Variants in LMNA observed in about 807,000 individuals in gnomAD.
LMNA encodes lamin A/C, also known as lamin.
Under a neutral mutation model 70.4 loss-of-function variants are expected in LMNA, and 20 were observed. The observed-to-expected ratio is 0.28, with a 90% confidence interval of 0.20 to 0.41. The LOEUF (loss-of-function observed/expected upper bound fraction) is 0.41. Among genes scored for constraint, LMNA ranks in the 10% least tolerant of loss-of-function variants. The pLI, the probability that LMNA is intolerant of heterozygous loss-of-function variation, is 1.00. For missense variants in LMNA, 652 were observed against 917.2 expected (o/e 0.71, Z 3.73); for synonymous variants, 339 against 372.8 (o/e 0.91, Z 1.04).
rs1027790581 is a variant in LMNA at position 156,103,808 on chromosome 1, G to A, written c.-206-10905G>A. On this transcript the variant is annotated intron_variant, in intron 3 of 12. Coordinates refer to the LMNA transcript ENST00000368301. The surrounding 1 kb of genome is among the most constrained non-coding windows in gnomAD (Gnocchi z 4.7). ...CCCTCCCTGCTCTTTATCCCTCAACGCCCTCCCCTGCCCAAGGACCAGAGT... is the reference window on the plus strand; with the variant it reads ...CCCTCCCTGCTCTTTATCCCTCAACACCCTCCCCTGCCCAAGGACCAGAGT... Among the ~76,000 whole-genome samples the A allele has an allele frequency of 4.0e-5, 6 of 151,710 alleles. No individual in the cohort carries two copies. Among genetic ancestry groups the A allele is most frequent in the Admixed American group, 2.6e-4 (4 of 15,230 alleles).
rs1393804987 is a variant in LMNA, at chr1:156,137,257, T to C, written c.1608+25T>C. On this transcript the variant is annotated intron_variant, in intron 9 of 11. Coordinates refer to ENST00000368300, the MANE Select transcript of LMNA (RefSeq NM_170707.4). This position sits in a 1 kb window ranked among gnomAD's most constrained non-coding sequence, Gnocchi z 4.6. ...AGTAAGTAGGCCTGGGCCTGGCTGC[T>C]TGCTGGACGAGGCTCCCCCTGATGG... 1.9e-6 allele frequency: 3 copies of C among 1,551,576 alleles called. No homozygotes were observed. In the Admixed American group the frequency reaches 5.7e-5, roughly 30 times the overall value.
chr1:156,118,479 C>T (rs1018879399), intron 1 of LMNA, among the ~76,000 whole-genome samples: 10 of 152,106 alleles, frequency 6.6e-5, no homozygotes, highest in Non-Finnish European at 1.5e-4. Context: ...CTGTTCTCCC[C>T]CACTGATCCT....
intron 1 of LMNA, chr1:156,126,177 T>G (rs1650558282): frequency 1.3e-6 from 2 of 1,526,068 alleles, no homozygotes; most frequent in South Asian, 1.2e-5. Flanking sequence ...TCTGCTCTTC[T>G]GCTCCCTTCC....
chr1:156,087,043 C>G (rs1469388387), intron 2 of LMNA, among the ~76,000 whole-genome samples: 1 of 152,146 alleles, frequency 6.6e-6, no homozygotes, highest in East Asian at 1.9e-4. Context: ...ACACTTGCCC[C>G]TCCTTAGCCC....
chr1:156,134,264 C>T lies in LMNA; in HGVS notation c.514-139C>T. On this transcript the variant is annotated intron_variant, in intron 2 of 11. Transcript: ENST00000368300. This position sits in a 1 kb window ranked among gnomAD's most constrained non-coding sequence, Gnocchi z 5.3. ...GAGTGAGTAGATGTCCTGACCCCTGCAGGCATCCAAGGCCCTCCTTCCCTG... is the reference window on the plus strand; with the variant it reads ...GAGTGAGTAGATGTCCTGACCCCTGTAGGCATCCAAGGCCCTCCTTCCCTG... 1.2e-6 allele frequency: 1 copy of T among 860,190 alleles called. No individual in the cohort carries two copies. The allele number at this position is 860,190 out of a possible 1,614,324, so 53.3% of individuals were successfully genotyped here.
In LMNA at chr1:156,135,174, T is replaced by A. The variant is rs80356809; in HGVS notation, c.811-13T>A. On this transcript the variant is annotated splice_polypyrimidine_tract_variant and intron_variant, in intron 4 of 11. Transcript: ENST00000368300. This position sits in a 1 kb window ranked among gnomAD's most constrained non-coding sequence, Gnocchi z 4.8. The stretch of plus-strand genomic sequence containing the variant: ...CAGTCACCACAGTCCTAACCCTTTG[T>A]CCTCCCCTCCAGCTGGACAATGCCA... The A allele has an allele frequency of 3.8e-3, 6,074 of 1,614,022 alleles. 14 individuals carry two copies. Among genetic ancestry groups the A allele is most frequent in the Non-Finnish European group, 4.6e-3 (5,461 of 1,180,016 alleles).
chr1:156,099,640 T>C (rs570027032), intron 3 of LMNA, among the ~76,000 whole-genome samples: 9 of 152,104 alleles, frequency 5.9e-5, no homozygotes, highest in African/African-American at 2.2e-4. Flanking sequence ...CCTAGCACTT[T>C]AGGAGGCCGA....
chr1:156,115,326 G>C lies in LMNA; in HGVS notation c.356+52G>C. ...CTGGCGGGGAGTGGAGAGGGCGGCG[G>C]GCCGGCGCCCCTGGCCGGCCGCAGG... On this transcript the variant is annotated intron_variant, in intron 1 of 11. Transcript: ENST00000368300. The surrounding 1 kb of genome is among the most constrained non-coding windows in gnomAD (Gnocchi z 5.8). 1 of 1,525,966 alleles carries C rather than the reference G, an allele frequency of 6.6e-7. No individual in the cohort carries two copies. Among genetic ancestry groups the C allele is most frequent in the South Asian group, 1.2e-5 (1 of 85,520 alleles). The allele number at this position is 1,525,966 out of a possible 1,614,324, so 94.5% of individuals were successfully genotyped here. A position where few individuals can be genotyped will look rare whatever the true frequency, so the allele number is the denominator to read the frequency against.
At chr1:156,123,915 CAA>C (rs1650368802) in intron 1 of LMNA, among the ~76,000 whole-genome samples, 7 of 152,218 alleles carry the variant, frequency 4.6e-5, no homozygotes, top group Admixed American at 4.6e-4. Context: ...CTGAACATGT[CAA>C]CAGGCTTCCT....
chr1:156,139,194 G>A lies in LMNA; in HGVS notation c.*88G>A. 1 of 1,604,090 alleles carries A rather than the reference G, an allele frequency of 6.2e-7. No individual in the cohort carries two copies. The highest frequency in any genetic ancestry group is 8.5e-7 in the Non-Finnish European group (1 of 1,177,310). On this transcript the variant is annotated 3_prime_UTR_variant, in exon 12 of 12. Transcript: ENST00000368300. ...ACCCCCTGCCCTGCACGTCATGGGA[G>A]GGGGCTTGAAGCCAAAGAAAAATAA...
chr1:156,084,356 T>C (rs1260621794), intron 2 of LMNA, among the ~76,000 whole-genome samples: 2 of 129,314 alleles, frequency 1.5e-5, no homozygotes, highest in African/African-American at 5.9e-5. Context: ...GTTGGCACAC[T>C]GCAGGGATTT....
rs368851665 is a variant in LMNA, at chr1:156,135,393, G to T, written c.936+81G>T. 2 of 1,471,652 alleles carry T rather than the reference G, an allele frequency of 1.4e-6. No individual in the cohort carries two copies. Among genetic ancestry groups the T allele is most frequent in the East Asian group, 2.5e-5 (1 of 39,598 alleles). 91.2% of individuals were successfully genotyped at this position (1,471,652 alleles called of 1,614,324 possible). Reference sequence around the variant, plus strand: ...GCTGGAAGCCCAGGGTTGGGGGTGGGGGTGGGGGTGGGAGGTTCCTGAGGA... The same window carrying T: ...GCTGGAAGCCCAGGGTTGGGGGTGGTGGTGGGGGTGGGAGGTTCCTGAGGA... On this transcript the variant is annotated intron_variant, in intron 5 of 11. Coordinates refer to ENST00000368300, the MANE Select transcript of LMNA (RefSeq NM_170707.4). This position sits in a 1 kb window ranked among gnomAD's most constrained non-coding sequence, Gnocchi z 4.8.
Position 156,135,024 on chromosome 1 carries a change from T to C in LMNA, c.810+49T>C. 1 of 1,612,196 alleles carries C rather than the reference T, an allele frequency of 6.2e-7. No homozygotes were observed. Among genetic ancestry groups the C allele is most frequent in the Non-Finnish European group, 8.5e-7 (1 of 1,178,536 alleles). ...TCACTGCCTCTGCCCTTGGCAGCCCTACCCTTACCCACGCTGGGCTATGCC... is the reference window on the plus strand; with the variant it reads ...TCACTGCCTCTGCCCTTGGCAGCCCCACCCTTACCCACGCTGGGCTATGCC... On this transcript the variant is annotated intron_variant, in intron 4 of 11. Coordinates refer to ENST00000368300, the MANE Select transcript of LMNA (RefSeq NM_170707.4). This position sits in a 1 kb window ranked among gnomAD's most constrained non-coding sequence, Gnocchi z 4.8.
intron 2 of LMNA, 140 bp downstream of exon 2, chr1:156,130,913 T>C: frequency 1.2e-6 from 1 of 806,964 alleles, no homozygotes; most frequent in South Asian, 1.7e-5. Flanking sequence ...TAGAGTCATT[T>C]TACCCACTGA....
intron 1 of LMNA, among the ~76,000 whole-genome samples, chr1:156,119,686 C>T (rs922733302): frequency 3.9e-5 from 6 of 152,206 alleles, no homozygotes; most frequent in African/African-American, 1.4e-4. Flanking sequence ...TGCAGCTGGG[C>T]CCCACCCCAG....
At chr1:156,121,046 CTTTTTTTT>C (rs57371677) in intron 1 of LMNA, among the ~76,000 whole-genome samples, 2 of 100,412 alleles carry the variant, frequency 2.0e-5, no homozygotes, top group Non-Finnish European at 1.9e-5. Context: ...CAAATCCATT[CTTTTTTTT>C]TTTTTTTTTT....
In LMNA at chr1:156,135,619, C is replaced by T. The variant is rs115073565; in HGVS notation, c.937-282C>T. 2 of 590,602 alleles carry T rather than the reference C, an allele frequency of 3.4e-6. No homozygotes were observed. Among genetic ancestry groups the T allele is most frequent in the African/African-American group, 3.7e-5 (2 of 53,850 alleles). The allele number at this position is 590,602 out of a possible 1,614,324, so 36.6% of individuals were successfully genotyped here. A position where few individuals can be genotyped will look rare whatever the true frequency, so the allele number is the denominator to read the frequency against. ...ACTCTGCAATGTGAGGTGTTAAAAG[C>T]ATCAGTATTTTTCTAGTTGGCTGTG... On this transcript the variant is annotated intron_variant, in intron 5 of 11. Transcript: ENST00000368300. This position sits in a 1 kb window ranked among gnomAD's most constrained non-coding sequence, Gnocchi z 4.8.
At chr1:156,122,066 C>T (rs993905097) in intron 1 of LMNA, among the ~76,000 whole-genome samples, 1 of 152,110 alleles carries the variant, frequency 6.6e-6, no homozygotes, top group Non-Finnish European at 1.5e-5. Context: ...GATCACGCCA[C>T]TGCACTCCAG....
Position 156,136,910 on chromosome 1 carries a change from C to A in LMNA, c.1381-11C>A. On this transcript the variant is annotated splice_polypyrimidine_tract_variant and intron_variant, in intron 7 of 11. Transcript: ENST00000368300. This position sits in a 1 kb window ranked among gnomAD's most constrained non-coding sequence, Gnocchi z 6.1. The stretch of plus-strand genomic sequence containing the variant: ...CCTCCCCGACCTTCCTCTTCCCTAT[C>A]TTCCCGGCAGGACCAGTCCATGGGC... The A allele has an allele frequency of 6.2e-7, 1 of 1,611,932 alleles. No individual in the cohort carries two copies.
Sources: gnomAD v4.1 joint callset for allele counts (sites outside exome capture counted in the v4.1 genomes callset) on GRCh38, gnomAD v4.1.1 for gene constraint, Gnocchi (gnomAD v3.1) non-coding constraint, MANE v1.5 for transcripts, NCBI Gene and HGNC (gene_info 2026-07-23, HGNC 2026-07-21) for gene names.